KDM1A: variants seen among roughly 807,000 people sequenced by gnomAD.
The protein encoded by KDM1A is lysine demethylase 1A.
Under a neutral mutation model 109.4 loss-of-function variants are expected in KDM1A, and 49 were observed. The observed-to-expected ratio is 0.45, with a 90% CI of 0.36 to 0.57. The LOEUF (loss-of-function observed/expected upper bound fraction) is 0.57. Among genes scored for constraint, KDM1A ranks in the 20% least tolerant of loss-of-function variants. The pLI is 0.00. For synonymous variants in KDM1A, 380 were observed against 415.4 expected (o/e 0.91, Z 1.04); for missense variants, 668 against 1,116.6 (o/e 0.60, Z 5.73).
intron 1 of KDM1A, among the ~76,000 whole-genome samples, chr1:23,022,289 A>G (rs1450916669): frequency 1.3e-5 from 2 of 151,336 alleles, no homozygotes; most frequent in African/African-American, 4.9e-5. Flanking sequence ...ATTAGTAAAT[A>G]TATGAGGGTT....
chr1:23,083,145 A>G (rs748345432), intron 20 of KDM1A, 34 bp from the exon 21 acceptor site: 2 of 1,589,886 alleles, frequency 1.3e-6, no homozygotes, highest in Non-Finnish European at 1.7e-6. Flanking sequence ...GTATATGTGC[A>G]GCCTGCCAAT....
At chr1:23,078,256 G>A (rs1180677836) in intron 16 of KDM1A, among the ~76,000 whole-genome samples, 1 of 152,176 alleles carries the variant, frequency 6.6e-6, no homozygotes, top group Admixed American at 6.5e-5. Flanking sequence ...GCAGCCTTGA[G>A]CCTTTTGCAG....
intron 2 of KDM1A, among the ~76,000 whole-genome samples, chr1:23,032,980 A>T (rs1569649728): frequency 6.6e-6 from 1 of 152,106 alleles, no homozygotes; most frequent in Non-Finnish European, 1.5e-5. Context: ...GCTCACTGCA[A>T]CCCCTGCCTC....
chr1:23,079,953 G>A lies in KDM1A; in HGVS notation c.2170+286G>A, dbSNP rs1215750476. Among the ~76,000 whole-genome samples the A allele has an allele frequency of 2.0e-5, 3 of 152,150 alleles. No homozygotes were observed. The highest frequency in any genetic ancestry group is 1.5e-5 in the Non-Finnish European group (1 of 68,022). The stretch of plus-strand genomic sequence containing the variant: ...GAGGTCCACTCAGCCTGGAGGGATA[G>A]GCCCAGGGAGGCTTCCTACCAGGGG... On this transcript the variant is annotated intron_variant, in intron 18 of 20. Coordinates refer to ENST00000400181, the MANE Select transcript of KDM1A (RefSeq NM_001009999.3). This position sits in a 1 kb window ranked among gnomAD's most constrained non-coding sequence, Gnocchi z 5.6.
At chr1:23,067,422 C>A (rs1643189473) in intron 10 of KDM1A, among the ~76,000 whole-genome samples, 1 of 152,102 alleles carries the variant, frequency 6.6e-6, no homozygotes, top group African/African-American at 2.4e-5. Flanking sequence ...GGTTCAAAAT[C>A]GTCTGTTGGG....
At chr1:23,020,209 T>C (rs1641581248) in intron 1 of KDM1A, 1 of 363,828 alleles carries the variant, frequency 2.7e-6, no homozygotes, top group Non-Finnish European at 4.9e-6. Flanking sequence ...GGGTATTTTA[T>C]TCCTTAGGTC....
chr1:23,022,591 C>T (rs1028259695), intron 1 of KDM1A, among the ~76,000 whole-genome samples: 9 of 151,074 alleles, frequency 6.0e-5, no homozygotes, highest in Non-Finnish European at 1.2e-4. Context: ...CTGCCCACCT[C>T]GGCCTCCCAA....
intron 20 of KDM1A, chr1:23,082,772 A>T (rs376685470): frequency 1.0e-5 from 2 of 192,406 alleles, no homozygotes. Context: ...CCCCACTCCA[A>T]AGAGCGGTAA....
rs759968134 is a variant in KDM1A at position 23,029,144 on chromosome 1, AAGAC to A, written c.352-1322_352-1319del. Among the ~76,000 whole-genome samples the A allele has an allele frequency of 3.9e-5, 6 of 152,268 alleles. No homozygotes were observed. In the East Asian group the frequency reaches 7.7e-4, roughly 20 times the overall value. On this transcript the variant is annotated intron_variant, in intron 1 of 20. Transcript: ENST00000400181. ...CCTATCATTTAAAAAAAAGAGCAAA[AAGAC>A]AGTATAAAAACAGCTGGCCATCTAA...
At position 23,077,245 on chromosome 1, in the gene KDM1A, C is replaced by T; in HGVS notation, c.1752C>T (p.Phe584=). The change falls in exon 16 of 21, where the codon TTC becomes TTT. Residue 584 remains phenylalanine, a synonymous_variant. Coordinates refer to ENST00000400181, the MANE Select transcript of KDM1A (RefSeq NM_001009999.3). ...KHWDQDDDFE[F]TGSHLTVRNG... ...CTCTTTAGGATGATGACTTTGAGTTCACTGGCAGCCACCTGACAGTAAGGA... is the reference window on the plus strand; with the variant it reads ...CTCTTTAGGATGATGACTTTGAGTTTACTGGCAGCCACCTGACAGTAAGGA... 6.2e-7 allele frequency: 1 copy of T among 1,613,794 alleles called. No homozygotes were observed. The highest frequency in any genetic ancestry group is 1.1e-5 in the South Asian group (1 of 91,004).
intron 15 of KDM1A, among the ~76,000 whole-genome samples, chr1:23,073,992 G>T (rs1643392620): frequency 6.6e-6 from 1 of 152,204 alleles, no homozygotes; most frequent in South Asian, 2.1e-4. Flanking sequence ...AAATATTTAT[G>T]AATGGAATTG....
chr1:23,042,245 A>G (rs955028982), intron 2 of KDM1A, among the ~76,000 whole-genome samples: 10 of 152,014 alleles, frequency 6.6e-5, no homozygotes, highest in African/African-American at 2.4e-4. Context: ...CAAGTCAGAA[A>G]CATAATTTGA....
chr1:23,043,469 T>C (rs891337024), intron 2 of KDM1A, among the ~76,000 whole-genome samples: 8 of 152,226 alleles, frequency 5.3e-5, no homozygotes, highest in African/African-American at 9.6e-5. Flanking sequence ...TGCTTTCTTA[T>C]TGGGGTACGT....
chr1:23,019,671 TG>T lies in KDM1A; in HGVS notation c.78del (p.Thr27GlnfsTer75). The T allele has an allele frequency of 7.3e-7, 1 of 1,377,326 alleles. No individual in the cohort carries two copies. The highest frequency in any genetic ancestry group is 1.7e-5 in the South Asian group (1 of 58,128). 85.3% of individuals were successfully genotyped at this position (1,377,326 alleles called of 1,614,324 possible). A position where few individuals can be genotyped will look rare whatever the true frequency, so the allele number is the denominator to read the frequency against. On this transcript the variant is annotated frameshift_variant, in exon 1 of 21. Coordinates refer to ENST00000400181, the MANE Select transcript of KDM1A (RefSeq NM_001009999.3). LOFTEE classifies it high-confidence loss of function. ...AAATGTEAGP[G>X]TAGGSENGSE... ...CAGCAACCGGGACGGAGGCTGGCCC[TG>T]GGACAGCAGGCGGCTCCGAGAACGG...
chr1:23,077,132 C>A, intron 15 of KDM1A, 96 bp from the exon 16 acceptor site: 1 of 1,191,818 alleles, frequency 8.4e-7, no homozygotes, highest in Non-Finnish European at 1.2e-6. Flanking sequence ...TGACTGTTTC[C>A]ACAAGCTTGT....
At chr1:23,081,391 G>A (rs1207439495) in intron 18 of KDM1A, 55 bp from the exon 19 acceptor site, 5 of 1,602,506 alleles carry the variant, frequency 3.1e-6, no homozygotes, top group Non-Finnish European at 4.3e-6. Context: ...TGATAAGGAA[G>A]TTTTTGAGGA....
chr1:23,022,276 C>G (rs1266805668), intron 1 of KDM1A, among the ~76,000 whole-genome samples: 1 of 151,842 alleles, frequency 6.6e-6, no homozygotes, highest in East Asian at 1.9e-4. Flanking sequence ...ATTTTACATT[C>G]CCATTAGTAA....
At chr1:23,065,991 A>G in intron 9 of KDM1A, 69 bp from the exon 10 acceptor site, 1 of 1,590,560 alleles carries the variant, frequency 6.3e-7, no homozygotes, top group Admixed American at 1.8e-5. Flanking sequence ...GTCATACAAA[A>G]CTAAACTTGA....
intron 1 of KDM1A, among the ~76,000 whole-genome samples, chr1:23,022,939 G>T (rs1641685306): frequency 6.6e-6 from 1 of 152,214 alleles, no homozygotes; most frequent in Non-Finnish European, 1.5e-5. Context: ...GATTACAGGT[G>T]GAGCCACCTT....
Sources: allele counts gnomAD v4.1 joint callset (sites outside exome capture counted in the v4.1 genomes callset), GRCh38; gene constraint gnomAD v4.1.1; non-coding constraint Gnocchi (gnomAD v3.1); transcripts MANE v1.5; gene names NCBI Gene and HGNC (gene_info 2026-07-23, HGNC 2026-07-21).